LRRC17: variants seen among roughly 807,000 people sequenced by gnomAD.
LRRC17 encodes leucine rich repeat containing 17, also known as leucine-rich repeat-containing protein 17.
A neutral mutation model predicts 41.5 loss-of-function variants in LRRC17; 33 were observed. The observed-to-expected ratio is 0.80, with a 90% CI of 0.60 to 1.06. LRRC17 has a LOEUF of 1.06. Among genes scored for constraint, LRRC17 ranks in the 50% least tolerant of loss-of-function variants. The probability of loss-of-function intolerance (pLI) is 0.00; values close to 1 mark genes in which losing one functional copy is unlikely to be tolerated. For missense variants in LRRC17, 491 were observed against 519.3 expected, an observed-to-expected ratio of 0.95 and a Z score of 0.53; for synonymous variants, 192 against 197.0, an observed-to-expected ratio of 0.97 and a Z score of 0.21.
chr7:102,944,210 C>T lies in LRRC17; in HGVS notation c.929C>T (p.Ala310Val). The T allele has an allele frequency of 6.3e-7, 1 of 1,596,614 alleles. No individual in the cohort carries two copies. Among genetic ancestry groups the T allele is most frequent in the East Asian group, 2.2e-5 (1 of 44,800 alleles). ...CTCAATAAATATTTTCTGTTTCCAG[C>T]CGCTTTTTTAGGGCTCACACATTTA... ...SSNGIEFIDP[A>V]AFLGLTHLEE... Residue 310 changes from alanine (A) to valine (V), a missense_variant and splice_region_variant, in exon 4 of 4, where the codon GCC becomes GTC. Coordinates refer to ENST00000339431, the MANE Select transcript of LRRC17 (RefSeq NM_001031692.3).
intron 1 of LRRC17, among the ~76,000 whole-genome samples, chr7:102,931,151 A>C (rs942129579): frequency 1.3e-5 from 2 of 152,224 alleles, no homozygotes; most frequent in Non-Finnish European, 2.9e-5. Context: ...ACAAAGGGAA[A>C]GGGCATTTTA....
intron 1 of LRRC17, chr7:102,932,054 C>A: frequency 2.2e-6 from 2 of 889,164 alleles, no homozygotes; most frequent in Non-Finnish European, 3.4e-6. Flanking sequence ...TGGCAAGTAA[C>A]ATGTTCTAAG....
intron 1 of LRRC17, among the ~76,000 whole-genome samples, chr7:102,925,430 G>A (rs906380080): frequency 2.6e-5 from 4 of 152,084 alleles, no homozygotes; most frequent in Admixed American, 6.5e-5. Flanking sequence ...TGATAAATTT[G>A]AATATTCTGT....
intron 3 of LRRC17, among the ~76,000 whole-genome samples, chr7:102,940,383 T>A (rs574863207): frequency 1.3e-4 from 20 of 151,836 alleles, no homozygotes; most frequent in African/African-American, 4.6e-4. Context: ...CTAATTTTTC[T>A]GTATTTTTAG....
chr7:102,927,403 A>G (rs931327342), intron 1 of LRRC17, among the ~76,000 whole-genome samples: 3 of 152,226 alleles, frequency 2.0e-5, no homozygotes, highest in African/African-American at 7.2e-5. Flanking sequence ...AGAATTCTGC[A>G]TCAGAAATAT....
In LRRC17 at chr7:102,944,504, A is replaced by G. The variant is rs1822093763; in HGVS notation, c.1223A>G (p.Tyr408Cys). The G allele has an allele frequency of 6.2e-7, 1 of 1,614,122 alleles. No homozygotes were observed. Among genetic ancestry groups the G allele is most frequent in the Non-Finnish European group, 8.5e-7 (1 of 1,179,992 alleles). Residue 408 changes from tyrosine to cysteine, a missense_variant, in exon 4 of 4, where the codon TAT (tyrosine) becomes TGT (cysteine). Tyr to Cys is a radical substitution (Grantham distance 194). Transcript: ENST00000339431. Reference protein sequence around the residue: ...EECPKDKLPAYPESFDQDTED... With the variant: ...EECPKDKLPACPESFDQDTED... ...TGCCCCAAAGACAAGTTACCAGCAT[A>G]TCCTGAGTCATTTGACCAAGACACA...
At chr7:102,940,515 G>A (rs1445816292) in intron 3 of LRRC17, among the ~76,000 whole-genome samples, 3 of 152,110 alleles carry the variant, frequency 2.0e-5, no homozygotes, top group Admixed American at 2.0e-4. Flanking sequence ...TGGCCTAAAT[G>A]TAGTGATTTT....
chr7:102,915,816 C>T (rs1450436853), intron 1 of LRRC17, among the ~76,000 whole-genome samples: 1 of 152,064 alleles, frequency 6.6e-6, no homozygotes, highest in African/African-American at 2.4e-5. Context: ...CTAATAACTG[C>T]TGTGATTGTG....
At chr7:102,917,289 C>G (rs1816085421) in intron 1 of LRRC17, among the ~76,000 whole-genome samples, 1 of 152,138 alleles carries the variant, frequency 6.6e-6, no homozygotes, top group South Asian at 2.1e-4. Context: ...TAAGAAATTT[C>G]CAAGCCAATT....
chr7:102,930,395 CCT>C (rs1308032553), intron 1 of LRRC17, among the ~76,000 whole-genome samples: 4 of 152,078 alleles, frequency 2.6e-5, no homozygotes, highest in Non-Finnish European at 5.9e-5. Flanking sequence ...TTTCCCTGCC[CCT>C]GTTTTCCTTC....
At chr7:102,926,858 A>G (rs1162491418) in intron 1 of LRRC17, among the ~76,000 whole-genome samples, 1 of 152,222 alleles carries the variant, frequency 6.6e-6, no homozygotes, top group African/African-American at 2.4e-5. Context: ...GTGTATAATT[A>G]AGCTTCTGTG....
chr7:102,926,948 TAG>T (rs1818254068), intron 1 of LRRC17, among the ~76,000 whole-genome samples: 5 of 152,132 alleles, frequency 3.3e-5, no homozygotes, highest in South Asian at 2.1e-4. Flanking sequence ...TAAAATAAAA[TAG>T]AGGCTACATA....
At chr7:102,943,622 C>G (rs55849741) in intron 3 of LRRC17, among the ~76,000 whole-genome samples, 23,550 of 152,162 alleles carry the variant, frequency 0.15, 1,863 homozygotes, top group Middle Eastern at 0.21. Flanking sequence ...TGCAAAGACT[C>G]TCGCCACTAT....
chr7:102,920,060 T>C (rs1011187235), intron 1 of LRRC17, among the ~76,000 whole-genome samples: 1 of 152,066 alleles, frequency 6.6e-6, no homozygotes, highest in Non-Finnish European at 1.5e-5. Context: ...TGTGCAGGGG[T>C]GTCAAGTTCA....
chr7:102,930,128 T>C (rs536824818), intron 1 of LRRC17, among the ~76,000 whole-genome samples: 1 of 152,200 alleles, frequency 6.6e-6, no homozygotes, highest in East Asian at 1.9e-4. Flanking sequence ...TGGTTCAGTA[T>C]TGAAATAGAG....
Position 102,934,812 on chromosome 7 carries a change from A to G in LRRC17, c.772+127A>G, listed in dbSNP as rs1585022255. The G allele has an allele frequency of 3.4e-6, 3 of 881,112 alleles. No individual in the cohort carries two copies. The East Asian group carries it at 8.0e-5, about 23-fold the overall frequency. 54.6% of individuals were successfully genotyped at this position (881,112 alleles called of 1,614,324 possible). ...TCACTTCCACCAGAAATCCTTCCCT[A>G]TTGACAATGGAATTTACCACAAGTT... On this transcript the variant is annotated intron_variant, in intron 2 of 3. Coordinates refer to ENST00000339431, the MANE Select transcript of LRRC17 (RefSeq NM_001031692.3).
At chr7:102,939,661 A>G (rs1374166522) in intron 3 of LRRC17, 76 bp downstream of exon 3, 4 of 1,256,228 alleles carry the variant, frequency 3.2e-6, no homozygotes, top group Non-Finnish European at 2.2e-6. Context: ...ACTTATATAC[A>G]GTAAATTCAG....
At chr7:102,929,097 C>T (rs1260205037) in intron 1 of LRRC17, among the ~76,000 whole-genome samples, 1 of 152,140 alleles carries the variant, frequency 6.6e-6, no homozygotes, top group Admixed American at 6.5e-5. Context: ...AATTTAAATG[C>T]TGACTCTGTG....
intron 1 of LRRC17, among the ~76,000 whole-genome samples, chr7:102,921,489 G>T (rs1817012224): frequency 6.6e-6 from 1 of 151,908 alleles, no homozygotes; most frequent in Non-Finnish European, 1.5e-5. Context: ...AGACCAGCCT[G>T]GCCAATGTGG....
Sources: allele counts gnomAD v4.1 joint callset (sites outside exome capture counted in the v4.1 genomes callset), GRCh38; gene constraint gnomAD v4.1.1; transcripts MANE v1.5; gene names NCBI Gene and HGNC (gene_info 2026-07-23, HGNC 2026-07-21).